The following VTCN1 variants were observed in gnomAD, a reference collection of about 807,000 sequenced individuals.
VTCN1 encodes V-set domain-containing T-cell activation inhibitor 1.
In VTCN1, 26 loss-of-function variants were observed where a neutral mutation model predicts 26.5. That is an observed-to-expected ratio of 0.98 (90% CI 0.72 to 1.36). The LOEUF is 1.36. Ranked by LOEUF, VTCN1 falls within the 40% of genes most tolerant of loss-of-function variation. The pLI is 0.00. For missense variants in VTCN1, 298 were observed against 337.7 expected (o/e 0.88, Z 0.92); for synonymous variants, 116 against 130.7 (o/e 0.89, Z 0.77).
intron 1 of VTCN1, among the ~76,000 whole-genome samples, chr1:117,180,177 G>A (rs1386057526): frequency 6.6e-6 from 1 of 152,074 alleles, no homozygotes; most frequent in South Asian, 2.1e-4. Context: ...GGGGGCATGA[G>A]TATCAGGTGG....
rs1431222380 is a variant in VTCN1 at position 117,144,751 on chromosome 1, G to T, written c.*520C>A. 1 of 152,592 alleles carries T rather than the reference G, an allele frequency of 6.6e-6. No individual in the cohort carries two copies. Among genetic ancestry groups the T allele is most frequent in the Non-Finnish European group, 1.5e-5 (1 of 68,040 alleles). The allele number at this position is 152,592 out of a possible 1,614,324, so 9.5% of individuals were successfully genotyped here. On this transcript the variant is annotated 3_prime_UTR_variant, in exon 6 of 6. Coordinates refer to ENST00000369458, the MANE Select transcript of VTCN1 (RefSeq NM_024626.4). The stretch of plus-strand genomic sequence containing the variant: ...TTTGACCCATTACTAAAATGCAGCC[G>T]CCCCTGAGTTGCGAAGTGGCAGTCA...
rs1017967041 is a variant in VTCN1 at position 117,175,700 on chromosome 1, G to C, written c.33-5529C>G. Among the ~76,000 whole-genome samples the C allele has an allele frequency of 4.0e-5, 6 of 151,636 alleles. 1 individual carries two copies. Among genetic ancestry groups the C allele is most frequent in the Admixed American group, 1.3e-4 (2 of 15,242 alleles). On this transcript the variant is annotated intron_variant, in intron 1 of 5. Coordinates refer to ENST00000369458, the MANE Select transcript of VTCN1 (RefSeq NM_024626.4). The surrounding 1 kb of genome is among the most constrained non-coding windows in gnomAD (Gnocchi z 4.2). Reference sequence around the variant, plus strand: ...TGCTATAGAAACATATACTGCAGCGGACAGGCTGTATTACTGTATCACACA... The same window carrying C: ...TGCTATAGAAACATATACTGCAGCGCACAGGCTGTATTACTGTATCACACA...
intron 3 of VTCN1, among the ~76,000 whole-genome samples, chr1:117,154,245 A>T (rs531013931): frequency 1.4e-4 from 21 of 152,190 alleles, no homozygotes; most frequent in Non-Finnish European, 2.5e-4. Flanking sequence ...CTAAGTTTAC[A>T]TGACAATGAA....
intron 1 of VTCN1, among the ~76,000 whole-genome samples, chr1:117,187,895 A>G (rs901051114): frequency 3.8e-4 from 58 of 152,266 alleles, no homozygotes; most frequent in African/African-American, 1.2e-3. Context: ...AACTAAAAAA[A>G]GGGGGGATCT....
chr1:117,179,261 G>A (rs1647555432), intron 1 of VTCN1, among the ~76,000 whole-genome samples: 1 of 152,298 alleles, frequency 6.6e-6, no homozygotes, highest in Admixed American at 6.5e-5. Context: ...TACCCTTGCT[G>A]TGTCGACCAA....
Position 117,159,647 on chromosome 1 carries a change from T to C in VTCN1, c.98-2726A>G, listed in dbSNP as rs549951820. On this transcript the variant is annotated intron_variant, in intron 2 of 5. Transcript: ENST00000369458. This position sits in a 1 kb window ranked among gnomAD's most constrained non-coding sequence, Gnocchi z 4.7. ...TAATTACACATATAAGGTATTGTTA[T>C]TCTCAGTTAACCAGAAGTAGCACAG... 6.6e-6 allele frequency among the ~76,000 whole-genome samples: 1 copy of C among 152,384 alleles called. No individual in the cohort carries two copies. The highest frequency in any genetic ancestry group is 1.9e-4 in the East Asian group (1 of 5,190).
chr1:117,202,767 AACCTGGCTCC>A (rs1648850053), intron 1 of VTCN1, among the ~76,000 whole-genome samples: 1 of 152,172 alleles, frequency 6.6e-6, no homozygotes, highest in African/African-American at 2.4e-5. Flanking sequence ...GGACCCAGAC[AACCTGGCTCC>A]AGCCTGTGCT....
At chr1:117,182,769 T>C (rs1647734922) in intron 1 of VTCN1, among the ~76,000 whole-genome samples, 1 of 152,192 alleles carries the variant, frequency 6.6e-6, no homozygotes, top group Non-Finnish European at 1.5e-5. Flanking sequence ...CTTTTCTCTC[T>C]GGTCCAGCCT....
chr1:117,182,442 T>C (rs1647716954), intron 1 of VTCN1, among the ~76,000 whole-genome samples: 1 of 152,126 alleles, frequency 6.6e-6, no homozygotes, highest in African/African-American at 2.4e-5. Context: ...GGTATGAAAA[T>C]CAGGCTGCCA....
In VTCN1 at chr1:117,175,899, T is replaced by C. The variant is rs1347104276; in HGVS notation, c.33-5728A>G. Among the ~76,000 whole-genome samples the C allele has an allele frequency of 6.6e-6, 1 of 151,744 alleles. No individual in the cohort carries two copies. Among genetic ancestry groups the C allele is most frequent in the East Asian group, 1.9e-4 (1 of 5,156 alleles). ...GATTCTCCCGTCTCAGCTTCCCGAG[T>C]AGCTGGGATTACAGGCACGTGCCAC... On this transcript the variant is annotated intron_variant, in intron 1 of 5. Coordinates refer to ENST00000369458, the MANE Select transcript of VTCN1 (RefSeq NM_024626.4). The surrounding 1 kb of genome is among the most constrained non-coding windows in gnomAD (Gnocchi z 4.2).
chr1:117,210,334 C>A (rs193049925), intron 1 of VTCN1, among the ~76,000 whole-genome samples: 4 of 152,210 alleles, frequency 2.6e-5, no homozygotes, highest in African/African-American at 9.6e-5. Flanking sequence ...GTGAATTGCT[C>A]AAGAGTAGCA....
chr1:117,156,661 C>G lies in VTCN1; in HGVS notation c.358G>C (p.Val120Leu), dbSNP rs144508898. ...TAGGTGCCAGCATCTGTGAGTTGCACGTTTTTCAGCCGCAAAGAGGCATTG... is the reference window on the plus strand; with the variant it reads ...TAGGTGCCAGCATCTGTGAGTTGCAGGTTTTTCAGCCGCAAAGAGGCATTG... ...VGNASLRLKN[V>L]QLTDAGTYKC... The change falls in exon 3 of 6, where the codon GTG (valine) becomes CTG (leucine). Residue 120 changes from valine (V) to leucine (L), a missense_variant. By Grantham distance (32) the Val-to-Leu change is conservative. Coordinates refer to ENST00000369458, the MANE Select transcript of VTCN1 (RefSeq NM_024626.4). The G allele has an allele frequency of 5.2e-5, 84 of 1,614,102 alleles. No homozygotes were observed. The East Asian group carries it at 1.8e-3, about 34-fold the overall frequency.
chr1:117,176,619 T>C (rs1335838787), intron 1 of VTCN1, among the ~76,000 whole-genome samples: 1 of 152,236 alleles, frequency 6.6e-6, no homozygotes, highest in East Asian at 1.9e-4. Context: ...ACTCGTGTGA[T>C]TGATAAATGT....
At chr1:117,202,944 C>T (rs1382797555) in intron 1 of VTCN1, among the ~76,000 whole-genome samples, 1 of 152,058 alleles carries the variant, frequency 6.6e-6, no homozygotes, top group Non-Finnish European at 1.5e-5. Flanking sequence ...TCTTTTAAGA[C>T]AGAAAATCCT....
intron 1 of VTCN1, among the ~76,000 whole-genome samples, chr1:117,192,097 A>G (rs1648275411): frequency 6.6e-6 from 1 of 152,108 alleles, no homozygotes. Context: ...TCCAAGACAC[A>G]TTATAATAAA....
At position 117,175,773 on chromosome 1, in the gene VTCN1, C is replaced by CT. The variant is rs1283482845; in HGVS notation, c.33-5603dup. ...GATACCTATCTCTCTCTCTCTCTCTCTTTTTTTTTTTTTTTGAGATGGAGT... is the reference window on the plus strand; with the variant it reads ...GATACCTATCTCTCTCTCTCTCTCTCTTTTTTTTTTTTTTTTGAGATGGAGT... On this transcript the variant is annotated intron_variant, in intron 1 of 5. Transcript: ENST00000369458. This position sits in a 1 kb window ranked among gnomAD's most constrained non-coding sequence, Gnocchi z 4.2. Among the ~76,000 whole-genome samples the CT allele has an allele frequency of 3.2e-3, 123 of 38,294 alleles. No homozygotes were observed. The highest frequency in any genetic ancestry group is 7.1e-3 in the Non-Finnish European group (64 of 9,020). The allele number at this position is 38,294 out of a possible 152,430, so 25.1% of individuals were successfully genotyped here. A position where few individuals can be genotyped will look rare whatever the true frequency, so the allele number is the denominator to read the frequency against.
chr1:117,188,809 T>C (rs550387658), intron 1 of VTCN1, among the ~76,000 whole-genome samples: 1 of 152,370 alleles, frequency 6.6e-6, no homozygotes, highest in East Asian at 1.9e-4. Flanking sequence ...TAATGACTCC[T>C]TAAATTATAC....
intron 1 of VTCN1, among the ~76,000 whole-genome samples, chr1:117,202,396 G>C (rs140751302): frequency 1.8e-3 from 271 of 152,250 alleles, no homozygotes; most frequent in African/African-American, 6.3e-3. Context: ...GGAGTGTAGT[G>C]TCATGGAAAC....
At chr1:117,176,703 A>T (rs1243128734) in intron 1 of VTCN1, among the ~76,000 whole-genome samples, 1 of 152,242 alleles carries the variant, frequency 6.6e-6, no homozygotes, top group Non-Finnish European at 1.5e-5. Context: ...ATATTTGAGT[A>T]AATCAAGTTG....
Sources: allele counts gnomAD v4.1 joint callset (sites outside exome capture counted in the v4.1 genomes callset), GRCh38; gene constraint gnomAD v4.1.1; non-coding constraint Gnocchi (gnomAD v3.1); transcripts MANE v1.5; gene names NCBI Gene and HGNC (gene_info 2026-07-23, HGNC 2026-07-21).